NOTCH3: variants seen among roughly 807,000 people sequenced by gnomAD.
The protein encoded by NOTCH3 is neurogenic locus notch homolog protein 3.
Under a neutral mutation model 213.3 loss-of-function variants are expected in NOTCH3, and 86 were observed. That is an observed-to-expected ratio of 0.40 (90% confidence interval 0.34 to 0.48). NOTCH3 has a LOEUF of 0.48. NOTCH3 is among the 20% of genes least tolerant of loss of function. The probability of loss-of-function intolerance (pLI) is 0.57; values close to 1 mark genes in which losing one functional copy is unlikely to be tolerated. For missense variants in NOTCH3, 2,783 were observed against 3,272.6 expected (o/e 0.85, Z 3.65); for synonymous variants, 1,354 against 1,355.9 (o/e 1.00, Z 0.03).
rs143639330 is a variant in NOTCH3, at chr19:15,197,517, G to A, written c.180C>T (p.Ser60=). The change falls in exon 2 of 33, where the codon TCC becomes TCT. Residue 60 remains serine, a synonymous_variant. Transcript: ENST00000263388. The part of the protein sequence containing the change: ...ANGGRCTQLP[S]REAACLCPPG... ...GCACTCACAGGCAGGCAGCCTCCCG[G>A]GAGGGCAGCTGGGTGCAACGACCTC... 2.5e-5 allele frequency: 38 copies of A among 1,539,836 alleles called. No homozygotes were observed. The highest frequency in any genetic ancestry group is 1.3e-4 in the African/African-American group (9 of 71,962).
chr19:15,184,823 T>C, intron 15 of NOTCH3, 83 bp downstream of exon 15: 1 of 836,020 alleles, frequency 1.2e-6, no homozygotes, highest in South Asian at 1.5e-5. Context: ...GATGGGTCCC[T>C]CTCTGGATCC....
At chr19:15,199,874 C>A (rs1599402853) in intron 1 of NOTCH3, among the ~76,000 whole-genome samples, 1 of 152,064 alleles carries the variant, frequency 6.6e-6, no homozygotes, top group Admixed American at 6.5e-5. Context: ...CCGCGCCCCT[C>A]CCCCGCCCAC....
At chr19:15,197,748 C>T (rs1312931008) in intron 1 of NOTCH3, among the ~76,000 whole-genome samples, 170 bp from the exon 2 acceptor site, 6 of 140,932 alleles carry the variant, frequency 4.3e-5, no homozygotes, top group Admixed American at 7.1e-5. Flanking sequence ...CCCCCCCCCC[C>T]GCCCCAGCCC....
At chr19:15,195,632 G>C (rs1325322572) in intron 2 of NOTCH3, among the ~76,000 whole-genome samples, 1 of 151,996 alleles carries the variant, frequency 6.6e-6, no homozygotes, top group African/African-American at 2.4e-5. Flanking sequence ...AGCAAGCAAG[G>C]GTGCGGGTGG....
rs556851818 is a variant in NOTCH3 at position 15,161,462 on chromosome 19, C to T, written c.6166G>A (p.Ala2056Thr). Reference sequence around the variant, plus strand: ...CTGCTCTTCTTGGACCCCGACTGTGCCGCTTTGAGGCCAGGGAGGAAGGCC... The same window carrying T: ...CTGCTCTTCTTGGACCCCGACTGTGTCGCTTTGAGGCCAGGGAGGAAGGCC... ...PGAFLPGLKAAQSGSKKSRRP... is the reference protein window; with the variant it reads ...PGAFLPGLKATQSGSKKSRRP... The change falls in exon 33 of 33, where the codon GCA becomes ACA. Residue 2056 changes from alanine to threonine, a missense_variant. By Grantham distance (58) the Ala-to-Thr change is moderately conservative (BLOSUM62 0). Transcript: ENST00000263388. 3.8e-6 allele frequency: 6 copies of T among 1,568,078 alleles called. No individual in the cohort carries two copies. The African/African-American group carries it at 8.1e-5, about 21-fold the overall frequency.
chr19:15,176,570 T>C (rs909457907), intron 24 of NOTCH3, among the ~76,000 whole-genome samples: 2 of 151,822 alleles, frequency 1.3e-5, no homozygotes, highest in Non-Finnish European at 2.9e-5. Context: ...AAGACTAGCC[T>C]GGACAACATG....
chr19:15,164,331 G>A (rs1046976332), intron 31 of NOTCH3, among the ~76,000 whole-genome samples: 30 of 152,204 alleles, frequency 2.0e-4, no homozygotes, highest in African/African-American at 7.2e-4. Context: ...CCTGAGGTCA[G>A]GAGTTTGAGG....
chr19:15,200,933 CCCTCCTT>C lies in NOTCH3; in HGVS notation c.-35_-29del, dbSNP rs1296128498. 1 of 272,630 alleles carries C rather than the reference CCCTCCTT, an allele frequency of 3.7e-6. No homozygotes were observed. The highest frequency in any genetic ancestry group is 6.4e-6 in the Non-Finnish European group (1 of 156,622). The allele number at this position is 272,630 out of a possible 1,614,324, so 16.9% of individuals were successfully genotyped here. On this transcript the variant is annotated 5_prime_UTR_variant, in exon 1 of 33. Coordinates refer to ENST00000263388, the MANE Select transcript of NOTCH3 (RefSeq NM_000435.3). ...CGGCCGGCCGCGACCCTCCCCTCCT[CCCTCCTT>C]CCCTGGGCTCCGGGCGCGTCCCGGG...
At position 15,177,757 on chromosome 19, in the gene NOTCH3, C is replaced by G. The variant is rs1486588342; in HGVS notation, c.4171G>C (p.Ala1391Pro). 1.1e-5 allele frequency: 15 copies of G among 1,391,884 alleles called. No individual in the cohort carries two copies. In the East Asian group the frequency reaches 2.1e-4, roughly 20 times the overall value. 86.2% of individuals were successfully genotyped at this position (1,391,884 alleles called of 1,614,324 possible). ...VSEEPRCPRA[A>P]CQAKRGDQRC... is the part of the protein sequence containing the mutation. ...TGGTCCCCGCGCTTGGCCTGGCAGGCGGCGCGCGGGCACCGCGGCTCCTCC... is the reference window on the plus strand; with the variant it reads ...TGGTCCCCGCGCTTGGCCTGGCAGGGGGCGCGCGGGCACCGCGGCTCCTCC... Residue 1391 changes from alanine (A) to proline (P), a missense_variant, in exon 24 of 33, where the codon GCC becomes CCC. By Grantham distance (27) the Ala-to-Pro change is conservative (BLOSUM62 -1). Transcript: ENST00000263388.
chr19:15,191,908 C>A (rs1457740875), intron 4 of NOTCH3, 41 bp from the exon 5 acceptor site: 3 of 1,613,792 alleles, frequency 1.9e-6, no homozygotes. Context: ...GCCGGGCTGG[C>A]CTGCTGTCCC....
At chr19:15,182,426 G>A (rs1398109619) in intron 16 of NOTCH3, among the ~76,000 whole-genome samples, 2 of 151,780 alleles carry the variant, frequency 1.3e-5, no homozygotes, top group Admixed American at 1.3e-4. Flanking sequence ...AGGATCACTT[G>A]AGCCTGGGAG....
Position 15,165,600 on chromosome 19 carries a change from A to G in NOTCH3, c.5668-85T>C. 1.5e-6 allele frequency: 2 copies of G among 1,318,502 alleles called. No individual in the cohort carries two copies. The highest frequency in any genetic ancestry group is 2.1e-6 in the Non-Finnish European group (2 of 964,132). 81.7% of individuals were successfully genotyped at this position (1,318,502 alleles called of 1,614,324 possible). Reference sequence around the variant, plus strand: ...ACCCCTAAGTCCCATGAAGTCCCCAACCCCCATACCCCAACCCCTGAAATT... The same window carrying G: ...ACCCCTAAGTCCCATGAAGTCCCCAGCCCCCATACCCCAACCCCTGAAATT... On this transcript the variant is annotated intron_variant, in intron 30 of 32. Transcript: ENST00000263388. The surrounding 1 kb of genome is among the most constrained non-coding windows in gnomAD (Gnocchi z 4.7).
At chr19:15,193,854 T>C (rs1599397136) in intron 2 of NOTCH3, among the ~76,000 whole-genome samples, 1 of 141,916 alleles carries the variant, frequency 7.0e-6, no homozygotes, top group South Asian at 2.2e-4. Context: ...GAGACTGAGG[T>C]GGGCGGATCA....
At chr19:15,183,384 TTTTGTTTG>T (rs71168596) in intron 16 of NOTCH3, among the ~76,000 whole-genome samples, 2 of 150,178 alleles carry the variant, frequency 1.3e-5, no homozygotes, top group East Asian at 2.0e-4. Flanking sequence ...CAGCACCCCT[TTTTGTTTG>T]TTTGTTTGTT....
Position 15,173,118 on chromosome 19 carries a change from T to TCTC in NOTCH3, c.4736+949_4736+950insGAG, listed in dbSNP as rs1568351385. On this transcript the variant is annotated intron_variant, in intron 25 of 32. Coordinates refer to ENST00000263388, the MANE Select transcript of NOTCH3 (RefSeq NM_000435.3). ...TTCTTCTTCTTCTTTTTTTTTTTTTTTTTTTTTTTTAAGAGATCGGAGGCC... is the reference window on the plus strand; with the variant it reads ...TTCTTCTTCTTCTTTTTTTTTTTTTTCTCTTTTTTTTTTAAGAGATCGGAGGCC... Among the ~76,000 whole-genome samples the TCTC allele has an allele frequency of 9.4e-5, 9 of 95,240 alleles. 1 individual carries two copies. The highest frequency in any genetic ancestry group is 8.0e-4 in the African/African-American group (9 of 11,230). The allele number at this position is 95,240 out of a possible 152,430, so 62.5% of individuals were successfully genotyped here.
Position 15,184,426 on chromosome 19 carries a change from T to A in NOTCH3, c.2435A>T (p.Asp812Val), listed in dbSNP as rs1158188596. The change falls in exon 16 of 33, where the codon GAC becomes GTC. Residue 812 changes from aspartate (D) to valine (V), a missense_variant. This residue lies in a region of NOTCH3 where 861 missense variants were observed against 909.1 expected (regional missense o/e 0.95). Coordinates refer to ENST00000263388, the MANE Select transcript of NOTCH3 (RefSeq NM_000435.3). ...WQGPRCQQDVDECAGPAPCGP... is the reference protein window; with the variant it reads ...WQGPRCQQDVVECAGPAPCGP... ...ACAGGGTGCGGGGCCAGCACACTCG[T>A]CCACATCCTGCTGGCATCGTGGGCC... is the stretch of plus-strand genomic sequence containing the variant. 6.2e-7 allele frequency: 1 copy of A among 1,613,832 alleles called. No individual in the cohort carries two copies. The highest frequency in any genetic ancestry group is 8.5e-7 in the Non-Finnish European group (1 of 1,179,880).
chr19:15,183,562 G>A (rs2046856907), intron 16 of NOTCH3, among the ~76,000 whole-genome samples: 1 of 152,068 alleles, frequency 6.6e-6, no homozygotes, highest in Non-Finnish European at 1.5e-5. Context: ...ACCATGCCCT[G>A]CTAATTTTGT....
chr19:15,165,276 G>T lies in NOTCH3; in HGVS notation c.5815+92C>A. ...ATGTGTGCGTGAGCTTCAGTGATTGGGTCTCAACATGGGTATGAATTTGCA... is the reference window on the plus strand; with the variant it reads ...ATGTGTGCGTGAGCTTCAGTGATTGTGTCTCAACATGGGTATGAATTTGCA... On this transcript the variant is annotated intron_variant, in intron 31 of 32. Transcript: ENST00000263388. The surrounding 1 kb of genome is among the most constrained non-coding windows in gnomAD (Gnocchi z 4.7). 7.6e-7 allele frequency: 1 copy of T among 1,322,460 alleles called. No individual in the cohort carries two copies. The highest frequency in any genetic ancestry group is 1.1e-6 in the Non-Finnish European group (1 of 927,298). The allele number at this position is 1,322,460 out of a possible 1,614,324, so 81.9% of individuals were successfully genotyped here. A position where few individuals can be genotyped will look rare whatever the true frequency, so the allele number is the denominator to read the frequency against.
At position 15,191,504 on chromosome 19, in the gene NOTCH3, GCA is replaced by G; in HGVS notation, c.954_955del (p.Ala319HisfsTer12). The G allele has an allele frequency of 6.2e-7, 1 of 1,613,206 alleles. No individual in the cohort carries two copies. ...GGCCCCATGGAAGCACACGGCTGTGGCACAGTCATCGATATTCTGACTGCAGC... is the reference window on the plus strand; with the variant it reads ...GGCCCCATGGAAGCACACGGCTGTGGCAGTCATCGATATTCTGACTGCAGC... On this transcript the variant is annotated frameshift_variant, in exon 6 of 33. Transcript: ENST00000263388. LOFTEE classifies it high-confidence loss of function.
Sources: allele counts gnomAD v4.1 joint callset (sites outside exome capture counted in the v4.1 genomes callset), GRCh38; gene constraint gnomAD v4.1.1; regional missense constraint gnomAD v4.1.1; non-coding constraint Gnocchi (gnomAD v3.1); transcripts MANE v1.5; gene names NCBI Gene and HGNC (gene_info 2026-07-23, HGNC 2026-07-21).